The following COL4A2 variants were observed in gnomAD, a reference collection of about 807,000 sequenced individuals.
The protein encoded by COL4A2 is collagen type IV alpha 2 chain.
Under a neutral mutation model 200.2 loss-of-function variants are expected in COL4A2, and 99 were observed. The ratio of observed to expected loss-of-function variants is 0.49; its 90% CI spans 0.42 to 0.58. COL4A2 has a LOEUF of 0.58. Ranked by LOEUF, COL4A2 falls within the 20% of genes least tolerant of loss-of-function variation. The pLI is 0.00. For synonymous variants in COL4A2, 897 were observed against 900.6 expected, an observed-to-expected ratio of 1.00 and a Z score of 0.07; for missense variants, 1,950 against 2,314.1, an observed-to-expected ratio of 0.84 and a Z score of 3.23.
chr13:110,430,172 T>C, intron 8 of COL4A2: 1 of 682,096 alleles, frequency 1.5e-6, no homozygotes, highest in Non-Finnish European at 2.2e-6. Context: ...TTCACAATAC[T>C]CCAAGCCAAA....
At chr13:110,451,038 T>C (rs1177605635) in intron 20 of COL4A2, among the ~76,000 whole-genome samples, 1 of 152,134 alleles carries the variant, frequency 6.6e-6, no homozygotes, top group African/African-American at 2.4e-5. Context: ...CAAATGCCCA[T>C]GAAAGTCAAT....
chr13:110,501,564 C>T (rs889616466), intron 40 of COL4A2, 104 bp from the exon 41 acceptor site: 31 of 1,028,502 alleles, frequency 3.0e-5, no homozygotes, highest in South Asian at 1.4e-4. Context: ...CTGTCTCGCT[C>T]GCTAGGCTCT....
intron 3 of COL4A2, among the ~76,000 whole-genome samples, chr13:110,337,054 G>A (rs1876224233): frequency 6.6e-6 from 1 of 152,218 alleles, no homozygotes; most frequent in Non-Finnish European, 1.5e-5. Context: ...GGAGAAATGA[G>A]GGGAAATGAG....
intron 4 of COL4A2, among the ~76,000 whole-genome samples, chr13:110,400,112 T>C (rs1457192664): frequency 6.6e-6 from 1 of 152,098 alleles, no homozygotes; most frequent in Admixed American, 6.5e-5. Context: ...CCTCACTAAC[T>C]AGCCAGCCTA....
chr13:110,354,103 G>A (rs2139383734), intron 3 of COL4A2, among the ~76,000 whole-genome samples: 1 of 152,330 alleles, frequency 6.6e-6, no homozygotes, highest in African/African-American at 2.4e-5. Context: ...TGATTTATAT[G>A]GAGGGATTTG....
rs775358778 is a variant in COL4A2, at chr13:110,438,656, T to C, written c.900T>C (p.Phe300=). Reference sequence around the variant, plus strand: ...AGGGAGAAGAAGGAATCATGGGCTTTCCTGGACTGAGGGTAAACCACGCCT... The same window carrying C: ...AGGGAGAAGAAGGAATCATGGGCTTCCCTGGACTGAGGGTAAACCACGCCT... The part of the protein sequence containing the change: ...SLKGEEGIMG[F]PGLRGYPGLS... The change falls in exon 15 of 48, where the codon TTT becomes TTC. Residue 300 remains phenylalanine (F), a synonymous_variant. Transcript: ENST00000360467. 15 of 1,614,128 alleles carry C rather than the reference T, an allele frequency of 9.3e-6. No homozygotes were observed. The highest frequency in any genetic ancestry group is 1.1e-5 in the Non-Finnish European group (13 of 1,180,044).
At chr13:110,411,530 T>C (rs933999177) in intron 4 of COL4A2, among the ~76,000 whole-genome samples, 1 of 152,170 alleles carries the variant, frequency 6.6e-6, no homozygotes, top group African/African-American at 2.4e-5. Context: ...CATCACTCTT[T>C]AGCAGGGAGG....
At chr13:110,468,399 G>A (rs1485957000) in intron 27 of COL4A2, 1 of 456,624 alleles carries the variant, frequency 2.2e-6, no homozygotes, top group Middle Eastern at 3.3e-4. Context: ...TGTCTCAGGT[G>A]GTCAGGGAGA....
At chr13:110,442,468 TG>T (rs1410740290) in intron 16 of COL4A2, among the ~76,000 whole-genome samples, 1 of 152,212 alleles carries the variant, frequency 6.6e-6, no homozygotes, top group Admixed American at 6.5e-5. Context: ...GACTTTCATT[TG>T]TTCCCCACCC....
At chr13:110,459,908 G>C (rs1308286211) in intron 22 of COL4A2, among the ~76,000 whole-genome samples, 1 of 152,200 alleles carries the variant, frequency 6.6e-6, no homozygotes, top group African/African-American at 2.4e-5. Context: ...GTGTGGAGGT[G>C]TGGACCCCAC....
intron 20 of COL4A2, chr13:110,456,791 G>A (rs1027753435): frequency 4.2e-6 from 2 of 479,238 alleles, no homozygotes; most frequent in Admixed American, 2.3e-5. Flanking sequence ...TGGGTGGGAT[G>A]CCGGGCACCC....
At chr13:110,378,768 G>A (rs59238652) in intron 4 of COL4A2, among the ~76,000 whole-genome samples, 2 of 152,138 alleles carry the variant, frequency 1.3e-5, no homozygotes, top group Non-Finnish European at 2.9e-5. Context: ...CAAACCCTTC[G>A]AACCACTGGG....
chr13:110,456,095 G>T (rs901877315), intron 20 of COL4A2, among the ~76,000 whole-genome samples: 2 of 152,196 alleles, frequency 1.3e-5, no homozygotes, highest in Non-Finnish European at 2.9e-5. Flanking sequence ...GCGATGGCGC[G>T]CTCTTTGCTG....
rs1881902100 is a variant in COL4A2 at position 110,458,945 on chromosome 13, A to G, written c.1596+11A>G. ...TTCCCAGGGCTCAAGGTGAGGAGCAATTTCATCATGAAGCTGGCAAGACAC... is the reference window on the plus strand; with the variant it reads ...TTCCCAGGGCTCAAGGTGAGGAGCAGTTTCATCATGAAGCTGGCAAGACAC... On this transcript the variant is annotated intron_variant, in intron 22 of 47. Coordinates refer to ENST00000360467, the MANE Select transcript of COL4A2 (RefSeq NM_001846.4). 1.3e-6 allele frequency: 2 copies of G among 1,536,700 alleles called. No individual in the cohort carries two copies. The highest frequency in any genetic ancestry group is 1.4e-5 in the African/African-American group (1 of 71,724).
chr13:110,404,187 C>CTTCTTTT (rs1879478797), intron 4 of COL4A2, among the ~76,000 whole-genome samples: 1 of 152,192 alleles, frequency 6.6e-6, no homozygotes, highest in Admixed American at 6.5e-5. Context: ...GAAGTAAAAG[C>CTTCTTTT]TAGCAAATAA....
At chr13:110,477,910 C>A in intron 29 of COL4A2, 93 bp from the exon 30 acceptor site, 1 of 1,236,550 alleles carries the variant, frequency 8.1e-7, no homozygotes, top group Non-Finnish European at 1.1e-6. Flanking sequence ...GCATGAATTG[C>A]TCTTTTTACA....
chr13:110,466,624 A>G (rs1882250065), intron 26 of COL4A2, among the ~76,000 whole-genome samples: 1 of 152,232 alleles, frequency 6.6e-6, no homozygotes, highest in Non-Finnish European at 1.5e-5. Flanking sequence ...CAAAGTCACA[A>G]AGGAGAAGTC....
chr13:110,483,231 G>A (rs550585153), intron 32 of COL4A2, among the ~76,000 whole-genome samples: 1 of 152,188 alleles, frequency 6.6e-6, no homozygotes, highest in Non-Finnish European at 1.5e-5. Flanking sequence ...AATAATCACA[G>A]TGGTCTCTAA....
chr13:110,430,122 T>C lies in COL4A2; in HGVS notation c.549+166T>C, dbSNP rs541707310. ...CATCTTACTTCCGATCAGGATGTTTTCAATCTTATTTTTAATTGTGTGTTT... is the reference window on the plus strand; with the variant it reads ...CATCTTACTTCCGATCAGGATGTTTCCAATCTTATTTTTAATTGTGTGTTT... On this transcript the variant is annotated intron_variant, in intron 8 of 47. Transcript: ENST00000360467. 3.7e-4 allele frequency: 284 copies of C among 767,248 alleles called. 1 individual carries two copies. Among genetic ancestry groups the C allele is most frequent in the Non-Finnish European group, 5.2e-4 (271 of 522,446 alleles). 47.5% of individuals were successfully genotyped at this position (767,248 alleles called of 1,614,324 possible). A position where few individuals can be genotyped will look rare whatever the true frequency, so the allele number is the denominator to read the frequency against.
Sources: gnomAD v4.1 joint callset for allele counts (sites outside exome capture counted in the v4.1 genomes callset) on GRCh38, gnomAD v4.1.1 for gene constraint, MANE v1.5 for transcripts, NCBI Gene and HGNC (gene_info 2026-07-23, HGNC 2026-07-21) for gene names.